The following PRIMA1 variants were observed in gnomAD, a reference collection of about 807,000 sequenced individuals.
The protein encoded by PRIMA1 is proline rich membrane anchor 1, also known as proline-rich membrane anchor 1.
PRIMA1 carries 7 observed loss-of-function variants against 17.5 expected under a neutral mutation model. The observed-to-expected ratio is 0.40, with a 90% CI of 0.23 to 0.75. The LOEUF (loss-of-function observed/expected upper bound fraction) is 0.75. Among genes scored for constraint, PRIMA1 ranks in the 30% least tolerant of loss-of-function variants. PRIMA1 has a pLI of 0.37. For missense variants in PRIMA1, 200 were observed against 201.8 expected (o/e 0.99, Z 0.05); for synonymous variants, 97 against 77.9 (o/e 1.25, Z -1.29).
intron 3 of PRIMA1, among the ~76,000 whole-genome samples, chr14:93,763,200 T>C (rs968465928): frequency 1.3e-5 from 2 of 152,144 alleles, no homozygotes; most frequent in African/African-American, 4.8e-5. Flanking sequence ...AAGAAATGTT[T>C]GATCGAATAA....
chr14:93,777,749 A>G (rs973012165), intron 3 of PRIMA1, among the ~76,000 whole-genome samples: 2 of 151,896 alleles, frequency 1.3e-5, no homozygotes, highest in Non-Finnish European at 2.9e-5. Context: ...CTCTCAGGCC[A>G]CTCTTTGTGG....
intron 3 of PRIMA1, among the ~76,000 whole-genome samples, chr14:93,765,844 A>G (rs1295019320): frequency 1.3e-5 from 2 of 152,156 alleles, no homozygotes; most frequent in African/African-American, 2.4e-5. Flanking sequence ...CTCATGCTCC[A>G]TCCCTGCAGC....
chr14:93,721,589 G>A, intron 4 of PRIMA1, 43 bp from the exon 5 acceptor site: 2 of 1,198,008 alleles, frequency 1.7e-6, no homozygotes, highest in East Asian at 2.3e-5. Flanking sequence ...AGGAGGGGGA[G>A]GCAGGGACAC....
intron 4 of PRIMA1, among the ~76,000 whole-genome samples, chr14:93,733,832 A>C (rs1000344555): frequency 2.8e-4 from 42 of 152,356 alleles, no homozygotes; most frequent in African/African-American, 9.9e-4. Context: ...CTGGAGAGAA[A>C]TGTGGACAGG....
chr14:93,754,643 A>G (rs1042040186), intron 3 of PRIMA1, among the ~76,000 whole-genome samples: 2 of 152,358 alleles, frequency 1.3e-5, no homozygotes, highest in East Asian at 1.9e-4. Flanking sequence ...GGAGAAATGT[A>G]TATCATTTTC....
chr14:93,765,470 C>T (rs1884867217), intron 3 of PRIMA1, among the ~76,000 whole-genome samples: 1 of 149,774 alleles, frequency 6.7e-6, no homozygotes, highest in African/African-American at 2.5e-5. Flanking sequence ...GATGAGCTAA[C>T]TAACCTTGGC....
chr14:93,781,008 C>CT (rs1885361428), intron 2 of PRIMA1, among the ~76,000 whole-genome samples: 1 of 152,210 alleles, frequency 6.6e-6, no homozygotes, highest in African/African-American at 2.4e-5. Context: ...GAGAGCCCCC[C>CT]GGGGCTGGGA....
In PRIMA1 at chr14:93,768,837, ACT is replaced by A. The variant is rs1247154832; in HGVS notation, c.229+10337_229+10338del. ...TTTTTTTTTTTTGAGATGGAGTCTCACTCTGTCGCCCAGGCTGGAGTGCAGTG... is the reference window on the plus strand; with the variant it reads ...TTTTTTTTTTTTGAGATGGAGTCTCACTGTCGCCCAGGCTGGAGTGCAGTG... On this transcript the variant is annotated intron_variant, in intron 3 of 4. Coordinates refer to ENST00000393140, the MANE Select transcript of PRIMA1 (RefSeq NM_178013.4). Among the ~76,000 whole-genome samples the A allele has an allele frequency of 1.1e-3, 146 of 138,796 alleles. 1 individual carries two copies. The highest frequency in any genetic ancestry group is 2.4e-3 in the Admixed American group (30 of 12,664). 91.1% of individuals were successfully genotyped at this position (138,796 alleles called of 152,430 possible). A position where few individuals can be genotyped will look rare whatever the true frequency, so the allele number is the denominator to read the frequency against.
chr14:93,780,076 C>G (rs1057410290), intron 2 of PRIMA1, among the ~76,000 whole-genome samples: 1 of 152,244 alleles, frequency 6.6e-6, no homozygotes, highest in Non-Finnish European at 1.5e-5. Flanking sequence ...ATGCTCTCTC[C>G]CCATCTCTCT....
intron 1 of PRIMA1, 58 bp from the exon 2 acceptor site, chr14:93,787,807 C>T: frequency 6.7e-7 from 1 of 1,495,650 alleles, no homozygotes; most frequent in Non-Finnish European, 8.9e-7. Flanking sequence ...TCCGCCGCCG[C>T]GCACCAATAT....
rs1019892580 is a variant in PRIMA1, at chr14:93,718,549, T to G, written c.*2895A>C. On this transcript the variant is annotated 3_prime_UTR_variant, in exon 5 of 5. Transcript: ENST00000393140. ...GCTAAGAAGGCAGATTTCAGGATAT[T>G]CACATTCATGCATTACGTATCTCAC... is the stretch of plus-strand genomic sequence containing the variant. 2.0e-5 allele frequency: 3 copies of G among 152,578 alleles called. No individual in the cohort carries two copies. The highest frequency in any genetic ancestry group is 7.2e-5 in the African/African-American group (3 of 41,430). The allele number at this position is 152,578 out of a possible 1,614,324, so 9.5% of individuals were successfully genotyped here.
In PRIMA1 at chr14:93,785,451, G is replaced by A. The variant is rs990631567; in HGVS notation, c.93+2175C>T. 9.2e-5 allele frequency among the ~76,000 whole-genome samples: 14 copies of A among 152,138 alleles called. No individual in the cohort carries two copies. The East Asian group carries it at 2.5e-3, about 27-fold the overall frequency. On this transcript the variant is annotated intron_variant, in intron 2 of 4. Transcript: ENST00000393140. ...ACCCCAGGTCTTTTGCCTCATCGACGATCCCATTAATCATAGGACTTTGTT... is the reference window on the plus strand; with the variant it reads ...ACCCCAGGTCTTTTGCCTCATCGACAATCCCATTAATCATAGGACTTTGTT...
In PRIMA1 at chr14:93,787,703, A is replaced by C. The variant is rs186707302; in HGVS notation, c.16T>G (p.Leu6Val). 586 of 1,544,330 alleles carry C rather than the reference A, an allele frequency of 3.8e-4. 1 individual carries two copies. The highest frequency in any genetic ancestry group is 4.9e-4 in the Non-Finnish European group (561 of 1,146,678). The change falls in exon 2 of 5, where the codon TTG becomes GTG. Residue 6 changes from leucine to valine, a missense_variant. Transcript: ENST00000393140. The part of the protein sequence containing the change: MLLRD[L>V]VLRRGCCWSS... Reference sequence around the variant, plus strand: ...CAGCAGCAGCCACGGCGCAGCACCAAGTCCCGGAGGAGCATCTCGGCCAGC... The same window carrying C: ...CAGCAGCAGCCACGGCGCAGCACCACGTCCCGGAGGAGCATCTCGGCCAGC...
intron 3 of PRIMA1, among the ~76,000 whole-genome samples, chr14:93,747,799 A>AG (rs59576983): frequency 0.83 from 124,775 of 150,028 alleles, 52,429 homozygotes; most frequent in Non-Finnish European, 0.88. Flanking sequence ...TGAGAGTGTA[A>AG]GGGGACTGAG....
chr14:93,733,806 G>T (rs573116248), intron 4 of PRIMA1, among the ~76,000 whole-genome samples: 22 of 152,376 alleles, frequency 1.4e-4, no homozygotes, highest in Non-Finnish European at 2.9e-4. Context: ...CCGTGAGCAA[G>T]AAATCCTCCA....
At chr14:93,735,960 A>T (rs1182138867) in intron 4 of PRIMA1, among the ~76,000 whole-genome samples, 2 of 152,178 alleles carry the variant, frequency 1.3e-5, no homozygotes, top group Admixed American at 1.3e-4. Context: ...AAATGCCGGG[A>T]TTACAGGCGT....
At chr14:93,722,842 T>C (rs527778468) in intron 4 of PRIMA1, among the ~76,000 whole-genome samples, 1 of 7,156 alleles carries the variant, frequency 1.4e-4, no homozygotes, top group Admixed American at 1.1e-3. Context: ...GTGGTAGCAA[T>C]GATGGTGGTG....
intron 4 of PRIMA1, among the ~76,000 whole-genome samples, chr14:93,725,442 C>T (rs531204123): frequency 4.3e-4 from 66 of 152,226 alleles, no homozygotes; most frequent in Middle Eastern, 3.4e-3. Flanking sequence ...AAAGCGAAGA[C>T]GGCTCCACCT....
At chr14:93,775,076 C>A (rs1282530753) in intron 3 of PRIMA1, among the ~76,000 whole-genome samples, 1 of 152,196 alleles carries the variant, frequency 6.6e-6, no homozygotes, top group African/African-American at 2.4e-5. Flanking sequence ...ACTCTGTATC[C>A]CTCAGGATGC....
Sources: gnomAD v4.1 joint callset for allele counts (sites outside exome capture counted in the v4.1 genomes callset) on GRCh38, gnomAD v4.1.1 for gene constraint, MANE v1.5 for transcripts, NCBI Gene and HGNC (gene_info 2026-07-23, HGNC 2026-07-21) for gene names.